The following LMX1A variants were observed in gnomAD, a reference collection of about 807,000 sequenced individuals.
The protein encoded by LMX1A is LIM homeobox transcription factor 1 alpha, also known as LIM homeobox transcription factor 1-alpha.
Under a neutral mutation model 49.1 loss-of-function variants are expected in LMX1A, and 15 were observed. That is an observed-to-expected ratio of 0.31 (90% CI 0.20 to 0.47). LMX1A has a LOEUF of 0.47. Ranked by LOEUF, LMX1A falls within the 20% of genes least tolerant of loss-of-function variation. The pLI, the probability that LMX1A is intolerant of heterozygous loss-of-function variation, is 1.00. For synonymous variants in LMX1A, 167 were observed against 185.7 expected, an observed-to-expected ratio of 0.90 and a Z score of 0.82; for missense variants, 372 against 475.8, an observed-to-expected ratio of 0.78 and a Z score of 2.03.
intron 3 of LMX1A, among the ~76,000 whole-genome samples, chr1:165,277,878 T>C (rs916625628): frequency 4.6e-5 from 7 of 152,240 alleles, no homozygotes; most frequent in Admixed American, 4.6e-4. Flanking sequence ...CAGGGGACTC[T>C]ATGGTTGAGC....
chr1:165,305,539 A>C (rs1654897183), intron 3 of LMX1A, among the ~76,000 whole-genome samples: 1 of 152,180 alleles, frequency 6.6e-6, no homozygotes, highest in African/African-American at 2.4e-5. Flanking sequence ...AAGAGGGGCT[A>C]AGTATCATGA....
chr1:165,205,941 T>C lies in LMX1A; in HGVS notation c.911A>G (p.Gln304Arg), dbSNP rs766244517. 5 of 1,613,990 alleles carry C rather than the reference T, an allele frequency of 3.1e-6. No individual in the cohort carries two copies. In the East Asian group the frequency reaches 8.9e-5, roughly 29 times the overall value. The change falls in exon 8 of 9, where the codon CAG becomes CGG. Residue 304 changes from glutamine to arginine, a missense_variant. This residue lies in a region of LMX1A where 127 missense variants were observed against 138.0 expected (regional missense o/e 0.92). Transcript: ENST00000342310. ...PTPQQLLAIE[Q>R]SVYSSDPFRQ... ...GAAGGGATCTGAGCTGTAGACACTC[T>C]GCTCGATGGCCAGGAGCTGCTGTGG...
intron 3 of LMX1A, among the ~76,000 whole-genome samples, chr1:165,275,952 C>T (rs1474214805): frequency 6.6e-6 from 1 of 150,860 alleles, no homozygotes; most frequent in Non-Finnish European, 1.5e-5. Flanking sequence ...TGGGGCTAGG[C>T]AAGGAGATGG....
In LMX1A at chr1:165,203,527, A is replaced by C; in HGVS notation, c.*353T>G. ...TCTGTCTATTGGTGTGTAGATGGAT[A>C]GACATATGCACCTCTTGACAAGAGC... On this transcript the variant is annotated 3_prime_UTR_variant, in exon 9 of 9. Coordinates refer to ENST00000342310, the MANE Select transcript of LMX1A (RefSeq NM_177398.4). 2 of 173,644 alleles carry C rather than the reference A, an allele frequency of 1.2e-5. No individual in the cohort carries two copies. The highest frequency in any genetic ancestry group is 2.5e-5 in the Non-Finnish European group (2 of 80,742). The allele number at this position is 173,644 out of a possible 1,614,324, so 10.8% of individuals were successfully genotyped here. A position where few individuals can be genotyped will look rare whatever the true frequency, so the allele number is the denominator to read the frequency against.
At chr1:165,342,858 G>A (rs1205316531) in intron 3 of LMX1A, among the ~76,000 whole-genome samples, 6 of 151,954 alleles carry the variant, frequency 3.9e-5, no homozygotes, top group African/African-American at 1.5e-4. Flanking sequence ...AGCAGATGGT[G>A]TGATTTAGTG....
At chr1:165,259,429 AT>A (rs1176593428) in intron 3 of LMX1A, among the ~76,000 whole-genome samples, 3 of 152,232 alleles carry the variant, frequency 2.0e-5, no homozygotes, top group African/African-American at 7.2e-5. Context: ...AACAGTTGCT[AT>A]TTGGTTAATG....
chr1:165,298,288 AG>A (rs1169545015), intron 3 of LMX1A, among the ~76,000 whole-genome samples: 1 of 152,212 alleles, frequency 6.6e-6, no homozygotes, highest in African/African-American at 2.4e-5. Flanking sequence ...CATCACTTGA[AG>A]GCTGAAATGA....
intron 3 of LMX1A, among the ~76,000 whole-genome samples, chr1:165,328,954 C>T (rs1222123037): frequency 6.6e-6 from 1 of 152,174 alleles, no homozygotes; most frequent in Non-Finnish European, 1.5e-5. Context: ...TCCCCCATGG[C>T]AAAAGAGAGC....
At chr1:165,221,272 G>A (rs1351383504) in intron 4 of LMX1A, among the ~76,000 whole-genome samples, 2 of 152,022 alleles carry the variant, frequency 1.3e-5, no homozygotes, top group East Asian at 3.9e-4. Flanking sequence ...AGAAAGGGAA[G>A]GCTTTCTGGA....
intron 3 of LMX1A, among the ~76,000 whole-genome samples, chr1:165,277,048 C>T (rs541916809): frequency 7.2e-5 from 11 of 152,330 alleles, no homozygotes; most frequent in Admixed American, 1.3e-4. Flanking sequence ...AACAACTGAG[C>T]GGTAGAAGCT....
At chr1:165,291,206 C>A (rs563358082) in intron 3 of LMX1A, among the ~76,000 whole-genome samples, 2 of 152,292 alleles carry the variant, frequency 1.3e-5, no homozygotes, top group South Asian at 2.1e-4. Context: ...TGATTAAATG[C>A]CAACTTCTGG....
At chr1:165,207,920 T>C (rs753056026) in intron 7 of LMX1A, 143 bp downstream of exon 7, 1 of 658,118 alleles carries the variant, frequency 1.5e-6, no homozygotes, top group Admixed American at 2.8e-5. Context: ...CAGTCTTCCC[T>C]TGAAGGCCTT....
intron 3 of LMX1A, among the ~76,000 whole-genome samples, chr1:165,265,853 A>G (rs969022528): frequency 6.6e-6 from 1 of 152,244 alleles, no homozygotes; most frequent in African/African-American, 2.4e-5. Context: ...CTTAAAGTTC[A>G]TGACCAACTA....
intron 4 of LMX1A, among the ~76,000 whole-genome samples, chr1:165,237,417 G>A (rs1198861372): frequency 6.6e-6 from 1 of 152,050 alleles, no homozygotes; most frequent in East Asian, 1.9e-4. Context: ...AGTAGAGACG[G>A]GGTTTCACCC....
chr1:165,303,295 A>G (rs1654835046), intron 3 of LMX1A, among the ~76,000 whole-genome samples: 2 of 152,168 alleles, frequency 1.3e-5, no homozygotes, highest in Non-Finnish European at 2.9e-5. Flanking sequence ...CCACCATTCC[A>G]TAGCCCACAG....
In LMX1A at chr1:165,325,760, C is replaced by T. The variant is rs117728640; in HGVS notation, c.263+27316G>A. ...AGCAAGCCTCAGGCATATGCTGCAA[C>T]GAGCAAAGACTTCTCAAAGTTAATA... On this transcript the variant is annotated intron_variant, in intron 3 of 8. Transcript: ENST00000342310. Among the ~76,000 whole-genome samples the T allele has an allele frequency of 1.1e-3, 164 of 152,250 alleles. 3 individuals carry two copies. The East Asian group carries it at 0.022, about 21-fold the overall frequency.
At chr1:165,299,236 A>G in intron 3 of LMX1A, among the ~76,000 whole-genome samples, 1 of 152,176 alleles carries the variant, frequency 6.6e-6, no homozygotes, top group Non-Finnish European at 1.5e-5. Context: ...TTCTCTCTGG[A>G]TGTTTGAGAG....
chr1:165,351,907 C>T (rs926501202), intron 3 of LMX1A, among the ~76,000 whole-genome samples: 1 of 152,234 alleles, frequency 6.6e-6, no homozygotes, highest in Non-Finnish European at 1.5e-5. Context: ...TTTTCACGCA[C>T]GCTAACCCTC....
chr1:165,336,969 G>A (rs1655915838), intron 3 of LMX1A, among the ~76,000 whole-genome samples: 1 of 152,228 alleles, frequency 6.6e-6, no homozygotes, highest in African/African-American at 2.4e-5. Context: ...GAGAGTAGAA[G>A]TGGGTTGCAA....
Sources: gnomAD v4.1 joint callset for allele counts (sites outside exome capture counted in the v4.1 genomes callset) on GRCh38, gnomAD v4.1.1 for gene constraint, gnomAD v4.1.1 regional missense constraint, MANE v1.5 for transcripts, NCBI Gene and HGNC (gene_info 2026-07-23, HGNC 2026-07-21) for gene names.